CSF2RB: variants seen among roughly 807,000 people sequenced by gnomAD.
CSF2RB encodes colony stimulating factor 2 receptor subunit beta, also known as cytokine receptor common subunit beta.
Under a neutral mutation model 67.2 loss-of-function variants are expected in CSF2RB, and 22 were observed. That is an observed-to-expected ratio of 0.33 (90% confidence interval 0.23 to 0.47). The LOEUF is 0.47. CSF2RB is among the 20% of genes least tolerant of loss of function. CSF2RB has a pLI of 1.00. For missense variants in CSF2RB, 1,113 were observed against 1,174.5 expected (o/e 0.95, Z 0.76); for synonymous variants, 507 against 482.9 (o/e 1.05, Z -0.65).
chr22:36,934,966 C>T (rs1219563409), intron 10 of CSF2RB, among the ~76,000 whole-genome samples: 2 of 152,258 alleles, frequency 1.3e-5, no homozygotes, highest in Non-Finnish European at 1.5e-5. Context: ...GTGCCTCTGC[C>T]ACTATGCCTT....
Position 36,937,330 on chromosome 22 carries a change from A to G in CSF2RB, c.1569-47A>G. 6.2e-7 allele frequency: 1 copy of G among 1,606,166 alleles called. No homozygotes were observed. ...AAGACCCTTGTGCCTGACCCGGATC[A>G]TCTGCCCAGGGTGGTCCCAACTCTT... On this transcript the variant is annotated intron_variant, in intron 13 of 13. Coordinates refer to ENST00000403662, the MANE Select transcript of CSF2RB (RefSeq NM_000395.3). The surrounding 1 kb of genome is among the most constrained non-coding windows in gnomAD (Gnocchi z 4.6).
rs763386045 is a variant in CSF2RB at position 36,929,804 on chromosome 22, C to T, written c.715C>T (p.Pro239Ser). ...WSPEVCWDSQ[P>S]GDEAQPQNLE... ...CCCAGAGGTTTGCTGGGACTCCCAG[C>T]CAGGTAATGTTGCCAGAGCCCAGGA... is the stretch of plus-strand genomic sequence containing the variant. The change falls in exon 6 of 14, where the codon CCA becomes TCA. Residue 239 changes from proline to serine, a missense_variant. Pro to Ser is a moderately conservative substitution (Grantham distance 74). This residue lies in a region of CSF2RB where 559 missense variants were observed against 656.5 expected (regional missense o/e 0.85). Coordinates refer to ENST00000403662, the MANE Select transcript of CSF2RB (RefSeq NM_000395.3). 2.5e-6 allele frequency: 4 copies of T among 1,613,508 alleles called. No individual in the cohort carries two copies. The highest frequency in any genetic ancestry group is 4.5e-5 in the East Asian group (2 of 44,864).
chr22:36,923,196 G>A (rs773886906), intron 2 of CSF2RB, 48 bp from the exon 3 acceptor site: 2 of 1,613,708 alleles, frequency 1.2e-6, no homozygotes, highest in East Asian at 2.2e-5. Context: ...ATGGTGACAA[G>A]GGTCCCTGCA....
At chr22:36,923,718 A>C in intron 3 of CSF2RB, 1 of 1,313,050 alleles carries the variant, frequency 7.6e-7, no homozygotes, top group Non-Finnish European at 1.0e-6. Context: ...GGGCCAGGCC[A>C]CGAAGCCCCA....
rs1179728856 is a variant in CSF2RB, at chr22:36,939,127, G to A, written c.*625G>A. 4 of 702,192 alleles carry A rather than the reference G, an allele frequency of 5.7e-6. No homozygotes were observed. Among genetic ancestry groups the A allele is most frequent in the Admixed American group, 4.0e-5 (2 of 49,986 alleles). The allele number at this position is 702,192 out of a possible 1,614,324, so 43.5% of individuals were successfully genotyped here. A position where few individuals can be genotyped will look rare whatever the true frequency, so the allele number is the denominator to read the frequency against. ...ACTCCGAGAAATGGGCATGGTATTG[G>A]GGGTCGGGGGGGCGGTGCAAGGGAC... On this transcript the variant is annotated 3_prime_UTR_variant, in exon 14 of 14. Transcript: ENST00000403662.
At position 36,923,724 on chromosome 22, in the gene CSF2RB, C is replaced by T. The variant is rs965579424; in HGVS notation, c.200+357C>T. The T allele has an allele frequency of 1.7e-5, 22 of 1,310,320 alleles. No homozygotes were observed. In the East Asian group the frequency reaches 2.1e-4, roughly 12 times the overall value. 81.2% of individuals were successfully genotyped at this position (1,310,320 alleles called of 1,614,324 possible). Reference sequence around the variant, plus strand: ...AGGTGGGCAGGGCCAGGCCACGAAGCCCCAGCTGTGCCACTGCCTGCCTGT... The same window carrying T: ...AGGTGGGCAGGGCCAGGCCACGAAGTCCCAGCTGTGCCACTGCCTGCCTGT... On this transcript the variant is annotated intron_variant, in intron 3 of 13. Coordinates refer to ENST00000403662, the MANE Select transcript of CSF2RB (RefSeq NM_000395.3).
In CSF2RB at chr22:36,937,317, C is replaced by T. The variant is rs1941287525; in HGVS notation, c.1569-60C>T. 1.3e-6 allele frequency: 2 copies of T among 1,592,972 alleles called. No homozygotes were observed. The highest frequency in any genetic ancestry group is 1.3e-5 in the African/African-American group (1 of 74,708). On this transcript the variant is annotated intron_variant, in intron 13 of 13. Transcript: ENST00000403662. This position sits in a 1 kb window ranked among gnomAD's most constrained non-coding sequence, Gnocchi z 4.6. ...TCTCCACCCCACCAAGACCCTTGTG[C>T]CTGACCCGGATCATCTGCCCAGGGT... is the stretch of plus-strand genomic sequence containing the variant.
chr22:36,933,448 G>A (rs900123748), intron 9 of CSF2RB, among the ~76,000 whole-genome samples: 1 of 152,208 alleles, frequency 6.6e-6, no homozygotes, highest in African/African-American at 2.4e-5. Flanking sequence ...GGGCCCTGGG[G>A]TCCTGAACCC....
At chr22:36,922,471 T>C in intron 2 of CSF2RB, 188 bp downstream of exon 2, 1 of 628,824 alleles carries the variant, frequency 1.6e-6, no homozygotes, top group Non-Finnish European at 2.9e-6. Flanking sequence ...GCTCATCCTG[T>C]CTTGGAAAGT....
rs757245806 is a variant in CSF2RB, at chr22:36,938,520, A to C, written c.*18A>C. 1 of 1,598,856 alleles carries C rather than the reference A, an allele frequency of 6.3e-7. No homozygotes were observed. The highest frequency in any genetic ancestry group is 1.7e-4 in the Middle Eastern group (1 of 5,966). On this transcript the variant is annotated 3_prime_UTR_variant, in exon 14 of 14. Coordinates refer to ENST00000403662, the MANE Select transcript of CSF2RB (RefSeq NM_000395.3). ...TGTGTTGAGACCCCCAGGCCTAGAC[A>C]GGCAAGGGGATGGAGAGGGCTTGCC...
At position 36,922,204 on chromosome 22, in the gene CSF2RB, G is replaced by T; in HGVS notation, c.-4G>T. On this transcript the variant is annotated 5_prime_UTR_variant, in exon 2 of 14. Coordinates refer to ENST00000403662, the MANE Select transcript of CSF2RB (RefSeq NM_000395.3). The stretch of plus-strand genomic sequence containing the variant: ...TGCCTGCCTGTCCAGAGCTGACCAG[G>T]GAGATGGTGCTGGCCCAGGGGCTGC... The T allele has an allele frequency of 6.3e-7, 1 of 1,584,640 alleles. No individual in the cohort carries two copies. The highest frequency in any genetic ancestry group is 2.3e-5 in the East Asian group (1 of 43,630).
chr22:36,916,440 G>T (rs1940714829), intron 1 of CSF2RB, among the ~76,000 whole-genome samples: 1 of 152,084 alleles, frequency 6.6e-6, no homozygotes, highest in South Asian at 2.1e-4. Flanking sequence ...TACATCCTAG[G>T]CTTCTATACA....
rs367735762 is a variant in CSF2RB at position 36,920,249 on chromosome 22, TTAACCTTTTAAAGTAAAAGACAC to T, written c.-172-1780_-172-1758del. On this transcript the variant is annotated intron_variant, in intron 1 of 13. Coordinates refer to ENST00000403662, the MANE Select transcript of CSF2RB (RefSeq NM_000395.3). ...TGCTCTTTGATGATATTGATTTGTT[TTAACCTTTTAAAGTAAAAGACAC>T]TAACCTGTCCTCCATAATTCTGGTT... Among the ~76,000 whole-genome samples, 754 of 152,364 alleles carry T rather than the reference TTAACCTTTTAAAGTAAAAGACAC, an allele frequency of 4.9e-3. 5 individuals carry two copies. Among genetic ancestry groups the T allele is most frequent in the African/African-American group, 0.018 (736 of 41,580 alleles).
chr22:36,939,368 TG>T lies in CSF2RB; in HGVS notation c.*867del. 1 of 680,280 alleles carries T rather than the reference TG, an allele frequency of 1.5e-6. No individual in the cohort carries two copies. The highest frequency in any genetic ancestry group is 2.1e-5 in the Admixed American group (1 of 47,556). 42.1% of individuals were successfully genotyped at this position (680,280 alleles called of 1,614,324 possible). ...GGGGAAACTGCCAAACAAAGGAAAATGCCCCAAAGGCATATATGCTTTAGGG... is the reference window on the plus strand; with the variant it reads ...GGGGAAACTGCCAAACAAAGGAAAATCCCCAAAGGCATATATGCTTTAGGG... On this transcript the variant is annotated 3_prime_UTR_variant, in exon 14 of 14. Coordinates refer to ENST00000403662, the MANE Select transcript of CSF2RB (RefSeq NM_000395.3).
At chr22:36,928,164 C>T (rs1214273966) in intron 4 of CSF2RB, among the ~76,000 whole-genome samples, 3 of 152,168 alleles carry the variant, frequency 2.0e-5, no homozygotes, top group African/African-American at 4.8e-5. Flanking sequence ...GACAGGCATG[C>T]ATCTGATCTG....
rs373460188 is a variant in CSF2RB, at chr22:36,926,099, G to A, written c.313G>A (p.Val105Ile). Residue 105 changes from valine (V) to isoleucine (I), a missense_variant, in exon 4 of 14, where the codon GTC (valine) becomes ATC (isoleucine). Transcript: ENST00000403662. The part of the protein sequence containing the change: ...RCVIPCQSFV[V>I]TDVDYFSFQP... ...TGTCATTCCCTGCCAGAGTTTTGTC[G>A]TCACTGACGTTGACTACTTCTCATT... 1.3e-4 allele frequency: 216 copies of A among 1,614,178 alleles called. 1 individual carries two copies. The South Asian group carries it at 1.9e-3, about 14-fold the overall frequency.
At chr22:36,930,034 T>C (rs950978791) in intron 6 of CSF2RB, among the ~76,000 whole-genome samples, 4 of 152,342 alleles carry the variant, frequency 2.6e-5, no homozygotes, top group African/African-American at 9.6e-5. Flanking sequence ...TCTCTGCCAA[T>C]GGCAATTACA....
intron 8 of CSF2RB, among the ~76,000 whole-genome samples, chr22:36,931,316 T>G (rs751117867): frequency 2.0e-5 from 3 of 152,244 alleles, no homozygotes; most frequent in Non-Finnish European, 4.4e-5. Context: ...AGGACCCCAG[T>G]GCAATGGAAC....
chr22:36,925,995 T>G lies in CSF2RB; in HGVS notation c.209T>G (p.Leu70Arg). 6.2e-7 allele frequency: 1 copy of G among 1,614,210 alleles called. No homozygotes were observed. The highest frequency in any genetic ancestry group is 1.1e-5 in the South Asian group (1 of 91,088). The change falls in exon 4 of 14, where the codon CTG (leucine) becomes CGG (arginine). Residue 70 changes from leucine (L) to arginine (R), a missense_variant. By Grantham distance (102) the Leu-to-Arg change is moderately radical. This residue lies in a region of CSF2RB where 559 missense variants were observed against 656.5 expected (regional missense o/e 0.85). Transcript: ENST00000403662. ...GTGTCCTCTCCCAACAGGGACCTCCTGGAGCCAGTGTCCTGTGACCTCAGT... is the reference window on the plus strand; with the variant it reads ...GTGTCCTCTCCCAACAGGGACCTCCGGGAGCCAGTGTCCTGTGACCTCAGT... Reference protein sequence around the residue: ...TLIRRVNEDLLEPVSCDLSDD... With the variant: ...TLIRRVNEDLREPVSCDLSDD...
Sources: allele counts gnomAD v4.1 joint callset (sites outside exome capture counted in the v4.1 genomes callset), GRCh38; gene constraint gnomAD v4.1.1; regional missense constraint gnomAD v4.1.1; non-coding constraint Gnocchi (gnomAD v3.1); transcripts MANE v1.5; gene names NCBI Gene and HGNC (gene_info 2026-07-23, HGNC 2026-07-21).